The following RPS6KA2 variants were observed in gnomAD, a reference collection of about 807,000 sequenced individuals.
RPS6KA2 encodes ribosomal protein S6 kinase alpha-2.
Under a neutral mutation model 91.8 loss-of-function variants are expected in RPS6KA2, and 42 were observed. The observed-to-expected ratio is 0.46, with a 90% confidence interval of 0.36 to 0.59. The LOEUF is 0.59. RPS6KA2 is among the 20% of genes least tolerant of loss of function. RPS6KA2 has a pLI of 0.00. For synonymous variants in RPS6KA2, 414 were observed against 393.6 expected, an observed-to-expected ratio of 1.05 and a Z score of -0.61; for missense variants, 798 against 978.5, an observed-to-expected ratio of 0.82 and a Z score of 2.46.
chr6:166,591,486 A>C (rs1239398076), intron 1 of RPS6KA2, among the ~76,000 whole-genome samples: 1 of 152,196 alleles, frequency 6.6e-6, no homozygotes, highest in East Asian at 1.9e-4. Flanking sequence ...ATCACAGAGG[A>C]GGCGAGTGGC....
At chr6:166,819,897 A>C (rs1207725250) in intron 2 of RPS6KA2, among the ~76,000 whole-genome samples, 1 of 152,132 alleles carries the variant, frequency 6.6e-6, no homozygotes, top group East Asian at 1.9e-4. Context: ...TAAAGGGTAA[A>C]TGCATCTATA....
chr6:166,420,520 C>T (rs1780934559), intron 17 of RPS6KA2, among the ~76,000 whole-genome samples: 1 of 152,146 alleles, frequency 6.6e-6, no homozygotes, highest in African/African-American at 2.4e-5. Context: ...TGTGACTGGC[C>T]CATTTCACTT....
At chr6:166,594,135 T>C in intron 1 of RPS6KA2, among the ~76,000 whole-genome samples, 1 of 152,236 alleles carries the variant, frequency 6.6e-6, no homozygotes, top group Non-Finnish European at 1.5e-5. Flanking sequence ...TGTGTGACCA[T>C]TATACTTGTA....
At position 166,635,095 on chromosome 6, in the gene RPS6KA2, C is replaced by A. The variant is rs546988886; in HGVS notation, c.124-96311G>T. On this transcript the variant is annotated intron_variant, in intron 2 of 21. Coordinates refer to the RPS6KA2 transcript ENST00000503859. This position sits in a 1 kb window ranked among gnomAD's most constrained non-coding sequence, Gnocchi z 4.8. ...TGATAACGGAGAGCCAACGGTAGTA[C>A]GTGAAAGTGACCGTGTGGGGCATAC... Among the ~76,000 whole-genome samples the A allele has an allele frequency of 2.0e-5, 3 of 151,974 alleles. No homozygotes were observed. Among genetic ancestry groups the A allele is most frequent in the South Asian group, 2.1e-4 (1 of 4,828 alleles).
At chr6:166,795,716 T>C (rs1173080926) in intron 2 of RPS6KA2, among the ~76,000 whole-genome samples, 1 of 152,206 alleles carries the variant, frequency 6.6e-6, no homozygotes, top group Non-Finnish European at 1.5e-5. Flanking sequence ...CTCCAGGCTG[T>C]GGGCTGCTGC....
intron 10 of RPS6KA2, among the ~76,000 whole-genome samples, chr6:166,470,322 T>C (rs1312666931): frequency 6.6e-6 from 1 of 152,158 alleles, no homozygotes; most frequent in East Asian, 1.9e-4. Context: ...GCAAAGCTGC[T>C]GCAGTTAACC....
chr6:166,632,357 A>T lies in RPS6KA2; in HGVS notation c.124-93573T>A, dbSNP rs906993131. Among the ~76,000 whole-genome samples, 4 of 152,208 alleles carry T rather than the reference A, an allele frequency of 2.6e-5. No homozygotes were observed. The South Asian group carries it at 6.2e-4, about 24-fold the overall frequency. ...GCTGCACGGGGTAGCTCACGCCTATAATCCCAGCACTTTGGGAGGCTGAGG... is the reference window on the plus strand; with the variant it reads ...GCTGCACGGGGTAGCTCACGCCTATTATCCCAGCACTTTGGGAGGCTGAGG... On this transcript the variant is annotated intron_variant, in intron 2 of 21. Transcript: ENST00000503859.
intron 2 of RPS6KA2, among the ~76,000 whole-genome samples, chr6:166,717,031 T>A (rs1240399630): frequency 6.7e-6 from 1 of 150,368 alleles, no homozygotes; most frequent in Non-Finnish European, 1.5e-5. Context: ...GAGCAGGGAG[T>A]GAGGATGGAG....
intron 2 of RPS6KA2, among the ~76,000 whole-genome samples, chr6:166,657,312 T>C (rs1431893630): frequency 6.6e-6 from 1 of 151,118 alleles, no homozygotes; most frequent in Non-Finnish European, 1.5e-5. Flanking sequence ...TGTCCTGCTT[T>C]TGACGATTTT....
intron 2 of RPS6KA2, among the ~76,000 whole-genome samples, chr6:166,748,305 C>A (rs1040190729): frequency 1.3e-5 from 2 of 152,116 alleles, no homozygotes; most frequent in African/African-American, 4.8e-5. Context: ...AGCGCCACCA[C>A]CTCCCCAGGC....
chr6:166,807,334 A>C (rs182314213), intron 2 of RPS6KA2, among the ~76,000 whole-genome samples: 102 of 152,288 alleles, frequency 6.7e-4, no homozygotes, highest in Non-Finnish European at 1.3e-3. Context: ...CTTTGGTATC[A>C]ATCCCTCAGA....
At chr6:166,795,275 A>G (rs1455178184) in intron 2 of RPS6KA2, among the ~76,000 whole-genome samples, 1 of 152,178 alleles carries the variant, frequency 6.6e-6, no homozygotes, top group African/African-American at 2.4e-5. Flanking sequence ...ACAAATCTCA[A>G]CTGTATTTCA....
chr6:166,582,483 G>A (rs1004594923), intron 1 of RPS6KA2, among the ~76,000 whole-genome samples: 1 of 152,200 alleles, frequency 6.6e-6, no homozygotes, highest in Admixed American at 6.5e-5. Context: ...AGATGAATAT[G>A]CAGCCATTTT....
At chr6:166,586,002 C>CA in intron 1 of RPS6KA2, 4 of 532,308 alleles carry the variant, frequency 7.5e-6, no homozygotes, top group Non-Finnish European at 1.1e-5. Flanking sequence ...TCTCAACTTC[C>CA]AAAAAATCAA....
At chr6:166,611,909 G>A (rs1786192553) in intron 1 of RPS6KA2, among the ~76,000 whole-genome samples, 1 of 152,220 alleles carries the variant, frequency 6.6e-6, no homozygotes, top group Non-Finnish European at 1.5e-5. Flanking sequence ...AAAGTGCCAT[G>A]GGTAGGGCAC....
At chr6:166,416,772 A>T (rs1778546854) in intron 19 of RPS6KA2, among the ~76,000 whole-genome samples, 1 of 149,274 alleles carries the variant, frequency 6.7e-6, no homozygotes. Context: ...TATCTCCACC[A>T]TCATTTCCAC....
chr6:166,618,720 C>T (rs6456096), intron 1 of RPS6KA2, among the ~76,000 whole-genome samples: 4,885 of 152,302 alleles, frequency 0.032, 250 homozygotes, highest in African/African-American at 0.11. Context: ...GTAGGACGAG[C>T]GTCTCAGACG....
chr6:166,468,140 G>A (rs554583013), intron 11 of RPS6KA2, among the ~76,000 whole-genome samples: 92 of 152,300 alleles, frequency 6.0e-4, no homozygotes, highest in African/African-American at 2.2e-3. Context: ...ACATTCCAAC[G>A]CAGAGTCGAA....
intron 1 of RPS6KA2, among the ~76,000 whole-genome samples, chr6:166,542,079 C>T (rs1219414530): frequency 3.3e-5 from 5 of 152,132 alleles, no homozygotes; most frequent in South Asian, 2.1e-4. Context: ...TTCCCCAAAA[C>T]GAAAACAAAA....
Sources: gnomAD v4.1 joint callset for allele counts (sites outside exome capture counted in the v4.1 genomes callset) on GRCh38, gnomAD v4.1.1 for gene constraint, Gnocchi (gnomAD v3.1) non-coding constraint, MANE v1.5 for transcripts, NCBI Gene and HGNC (gene_info 2026-07-23, HGNC 2026-07-21) for gene names.